Variants in FAM135B observed in about 807,000 individuals in gnomAD.
The protein encoded by FAM135B is family with sequence similarity 135 member B.
Under a neutral mutation model 127.7 loss-of-function variants are expected in FAM135B, and 43 were observed. The ratio of observed to expected loss-of-function variants is 0.34; its 90% CI spans 0.26 to 0.43. FAM135B has a LOEUF of 0.43. Among genes scored for constraint, FAM135B ranks in the 20% least tolerant of loss-of-function variants. The pLI is 1.00. For missense variants in FAM135B, 1,558 were observed against 1,725.6 expected (o/e 0.90, Z 1.72); for synonymous variants, 670 against 665.1 (o/e 1.01, Z -0.11).
intron 1 of FAM135B, among the ~76,000 whole-genome samples, chr8:138,392,649 C>T (rs1305043695): frequency 1.3e-5 from 2 of 152,172 alleles, no homozygotes; most frequent in African/African-American, 2.4e-5. Flanking sequence ...CCTCTCCACC[C>T]TTGAGCTTTG....
chr8:138,343,576 G>A (rs1563919047), intron 2 of FAM135B, among the ~76,000 whole-genome samples: 3 of 152,284 alleles, frequency 2.0e-5, no homozygotes, highest in African/African-American at 7.2e-5. Context: ...ATGAACTTTG[G>A]CTTATCATAC....
Position 138,209,042 on chromosome 8 carries a change from C to T in FAM135B, c.670-11373G>A, listed in dbSNP as rs549428659. On this transcript the variant is annotated intron_variant, in intron 7 of 19. Transcript: ENST00000395297. ...GAGAACTATATTTTCATATTAGAAG[C>T]ATTGTGGTTGGGTTTCTATATATTC... is the stretch of plus-strand genomic sequence containing the variant. Among the ~76,000 whole-genome samples, 5 of 152,196 alleles carry T rather than the reference C, an allele frequency of 3.3e-5. No individual in the cohort carries two copies. The East Asian group carries it at 9.7e-4, about 29-fold the overall frequency.
chr8:138,197,976 G>A (rs1816798635), intron 7 of FAM135B, among the ~76,000 whole-genome samples: 1 of 152,208 alleles, frequency 6.6e-6, no homozygotes, highest in African/African-American at 2.4e-5. Context: ...TGAAGGTGAT[G>A]AGGACATTGG....
chr8:138,474,358 G>A (rs559036488), intron 1 of FAM135B, among the ~76,000 whole-genome samples: 1 of 152,264 alleles, frequency 6.6e-6, no homozygotes, highest in Admixed American at 6.5e-5. Context: ...TGCAAAATGA[G>A]AGTAACAGCA....
rs1227630719 is a variant in FAM135B at position 138,414,115 on chromosome 8, AATACAT to A, written c.-19-46119_-19-46114del. 8.2e-4 allele frequency among the ~76,000 whole-genome samples: 68 copies of A among 83,312 alleles called. 2 individuals are homozygous for A. The East Asian group carries it at 8.9e-3, about 11-fold the overall frequency. The allele number at this position is 83,312 out of a possible 152,430, so 54.7% of individuals were successfully genotyped here. A position where few individuals can be genotyped will look rare whatever the true frequency, so the allele number is the denominator to read the frequency against. Reference sequence around the variant, plus strand: ...GCTTAAGTTCCCCTGTTCACACACAAATACATATATATATATATATATATGCACAAA... The same window carrying A: ...GCTTAAGTTCCCCTGTTCACACACAAATATATATATATATATATGCACAAA... On this transcript the variant is annotated intron_variant, in intron 1 of 19. Transcript: ENST00000395297.
intron 2 of FAM135B, among the ~76,000 whole-genome samples, chr8:138,339,368 T>C (rs1472721346): frequency 1.3e-5 from 2 of 148,404 alleles, no homozygotes; most frequent in East Asian, 2.0e-4. Flanking sequence ...AATATATATA[T>C]ATATATATAT....
At chr8:138,199,894 A>G (rs754647342) in intron 7 of FAM135B, among the ~76,000 whole-genome samples, 1 of 152,174 alleles carries the variant, frequency 6.6e-6, no homozygotes, top group Non-Finnish European at 1.5e-5. Context: ...CCCTTGACAC[A>G]TGGGGATTAC....
intron 2 of FAM135B, among the ~76,000 whole-genome samples, chr8:138,337,953 C>T (rs950914772): frequency 9.9e-5 from 15 of 151,848 alleles, no homozygotes; most frequent in South Asian, 2.1e-4. Flanking sequence ...GAAATAATGC[C>T]GCATATCTAC....
intron 3 of FAM135B, among the ~76,000 whole-genome samples, chr8:138,303,208 G>C (rs12676733): frequency 0.088 from 13,441 of 152,158 alleles, 1,069 homozygotes; most frequent in East Asian, 0.25. Context: ...ATGATAGACT[G>C]GATAAAGAAA....
intron 7 of FAM135B, among the ~76,000 whole-genome samples, chr8:138,240,070 C>T (rs1820621953): frequency 1.3e-5 from 2 of 152,082 alleles, no homozygotes; most frequent in Non-Finnish European, 2.9e-5. Flanking sequence ...ATGGGTGTAG[C>T]ACACCAACAT....
chr8:138,346,992 T>C (rs1397390130), intron 2 of FAM135B, among the ~76,000 whole-genome samples: 1 of 152,226 alleles, frequency 6.6e-6, no homozygotes, highest in African/African-American at 2.4e-5. Flanking sequence ...GTGTTTTCAC[T>C]TCTTGGTCAC....
At chr8:138,410,120 A>T (rs1563979093) in intron 1 of FAM135B, among the ~76,000 whole-genome samples, 1 of 152,106 alleles carries the variant, frequency 6.6e-6, no homozygotes, top group East Asian at 1.9e-4. Flanking sequence ...GCCACTGTAA[A>T]GGCTGACTTA....
intron 3 of FAM135B, among the ~76,000 whole-genome samples, chr8:138,279,899 C>A (rs960264734): frequency 6.6e-6 from 1 of 152,160 alleles, no homozygotes; most frequent in Non-Finnish European, 1.5e-5. Flanking sequence ...AAAAAGTTGC[C>A]AAATGAGCAC....
chr8:138,178,587 G>A lies in FAM135B; in HGVS notation c.977C>T (p.Thr326Ile). 1 of 1,614,112 alleles carries A rather than the reference G, an allele frequency of 6.2e-7. No individual in the cohort carries two copies. Among genetic ancestry groups the A allele is most frequent in the Non-Finnish European group, 8.5e-7 (1 of 1,180,036 alleles). ...TLWTQFLDTVTLHSQVTTYLT... is the reference protein window; with the variant it reads ...TLWTQFLDTVILHSQVTTYLT... ...ATAAGTGGTCACTTGGGAGTGCAGA[G>A]TGACTGTGTCCAGGAACTGGGTCCA... Residue 326 changes from threonine to isoleucine, a missense_variant, in exon 10 of 20, where the codon ACT becomes ATT. Around this residue, in one of 5 missense-constraint regions of FAM135B, gnomAD observed 115 missense variants for 171.1 expected, o/e 0.67. Coordinates refer to ENST00000395297, the MANE Select transcript of FAM135B (RefSeq NM_015912.4).
intron 12 of FAM135B, among the ~76,000 whole-genome samples, chr8:138,163,300 G>A (rs189574743): frequency 3.3e-5 from 5 of 152,252 alleles, no homozygotes; most frequent in South Asian, 2.1e-4. Flanking sequence ...GGCTTTAGGC[G>A]AACCTCCCAA....
intron 2 of FAM135B, among the ~76,000 whole-genome samples, chr8:138,354,257 C>A (rs962026545): frequency 1.3e-5 from 2 of 152,084 alleles, no homozygotes; most frequent in East Asian, 3.9e-4. Flanking sequence ...ACACACACAC[C>A]CTTCATGATC....
chr8:138,438,291 G>A (rs1161042382), intron 1 of FAM135B: 1 of 152,086 alleles, frequency 6.6e-6, no homozygotes, highest in East Asian at 1.9e-4. Context: ...GGTGGCTATT[G>A]AAGAGCCATG....
At chr8:138,376,702 C>T (rs1831496927) in intron 1 of FAM135B, among the ~76,000 whole-genome samples, 1 of 152,184 alleles carries the variant, frequency 6.6e-6, no homozygotes, top group Non-Finnish European at 1.5e-5. Flanking sequence ...CGGAGAACAT[C>T]AATGCATTAG....
intron 1 of FAM135B, among the ~76,000 whole-genome samples, chr8:138,377,499 G>A (rs1358066213): frequency 1.3e-5 from 2 of 152,122 alleles, no homozygotes; most frequent in Non-Finnish European, 1.5e-5. Context: ...AAGGACTGAA[G>A]GCACAAAAGA....
Sources: gnomAD v4.1 joint callset for allele counts (sites outside exome capture counted in the v4.1 genomes callset) on GRCh38, gnomAD v4.1.1 for gene constraint, gnomAD v4.1.1 regional missense constraint, MANE v1.5 for transcripts, NCBI Gene and HGNC (gene_info 2026-07-23, HGNC 2026-07-21) for gene names.